EBF2: variants seen among roughly 807,000 people sequenced by gnomAD.
EBF2 encodes transcription factor COE2.
A neutral mutation model predicts 72.8 loss-of-function variants in EBF2; 21 were observed. The observed-to-expected ratio is 0.29, with a 90% CI of 0.20 to 0.42. The LOEUF is 0.42. Among genes scored for constraint, EBF2 ranks in the 10% least tolerant of loss-of-function variants. EBF2 has a pLI of 1.00. For synonymous variants in EBF2, 299 were observed against 274.2 expected (o/e 1.09, Z -0.89); for missense variants, 637 against 731.2 (o/e 0.87, Z 1.49).
At chr8:26,007,223 G>T (rs1262215404) in intron 6 of EBF2, among the ~76,000 whole-genome samples, 1 of 152,156 alleles carries the variant, frequency 6.6e-6, no homozygotes, top group African/African-American at 2.4e-5. Flanking sequence ...AACAGGGAGA[G>T]AGCCTGGCCT....
chr8:26,005,559 TATAG>T (rs1804863182), intron 6 of EBF2, among the ~76,000 whole-genome samples: 2 of 55,570 alleles, frequency 3.6e-5, no homozygotes, highest in African/African-American at 9.0e-5. Flanking sequence ...TATATATATA[TATAG>T]AGAGAGAGAG....
chr8:25,851,834 A>G (rs1801984108), intron 14 of EBF2, among the ~76,000 whole-genome samples: 3 of 152,216 alleles, frequency 2.0e-5, no homozygotes. Flanking sequence ...ATGACTGACC[A>G]ACCAAGTACA....
At chr8:25,910,856 A>T in intron 6 of EBF2, among the ~76,000 whole-genome samples, 1 of 152,150 alleles carries the variant, frequency 6.6e-6, no homozygotes, top group East Asian at 1.9e-4. Context: ...AGAGACAGAA[A>T]GTTCTCTTGC....
At chr8:26,038,732 C>T (rs563717892) in intron 5 of EBF2, among the ~76,000 whole-genome samples, 35 of 152,340 alleles carry the variant, frequency 2.3e-4, no homozygotes, top group Middle Eastern at 3.4e-3. Context: ...ATGCCTTCCC[C>T]CCAGCTACTC....
intron 6 of EBF2, among the ~76,000 whole-genome samples, chr8:25,999,909 A>C (rs1804696007): frequency 6.6e-6 from 1 of 152,100 alleles, no homozygotes; most frequent in African/African-American, 2.4e-5. Context: ...CAAGACATCA[A>C]AAGTCTCTGA....
intron 6 of EBF2, among the ~76,000 whole-genome samples, chr8:25,979,075 T>A (rs910682307): frequency 2.0e-5 from 3 of 152,086 alleles, no homozygotes; most frequent in Admixed American, 6.5e-5. Context: ...ACATAGAAAA[T>A]GATGGTGAGA....
At chr8:26,028,122 T>C (rs1431999601) in intron 6 of EBF2, among the ~76,000 whole-genome samples, 1 of 152,242 alleles carries the variant, frequency 6.6e-6, no homozygotes, top group Non-Finnish European at 1.5e-5. Context: ...GTAAATTTTA[T>C]ATGTATTTTA....
At chr8:26,023,691 G>A (rs754565274) in intron 6 of EBF2, among the ~76,000 whole-genome samples, 21 of 152,128 alleles carry the variant, frequency 1.4e-4, no homozygotes, top group Non-Finnish European at 8.8e-5. Context: ...GCAGTTCCCC[G>A]CAATGAATCT....
At chr8:25,900,409 A>G (rs1033992062) in intron 7 of EBF2, among the ~76,000 whole-genome samples, 3 of 152,172 alleles carry the variant, frequency 2.0e-5, no homozygotes, top group African/African-American at 4.8e-5. Flanking sequence ...TAGTGAACCA[A>G]TATTGCACCA....
intron 6 of EBF2, among the ~76,000 whole-genome samples, chr8:25,922,274 A>G: frequency 6.6e-6 from 1 of 152,262 alleles, no homozygotes; most frequent in East Asian, 1.9e-4. Context: ...AAACAAAAAA[A>G]ACACCTGGTT....
intron 10 of EBF2, 97 bp from the exon 11 acceptor site, chr8:25,862,894 A>T (rs1289694398): frequency 1.3e-6 from 1 of 740,870 alleles, no homozygotes; most frequent in African/African-American, 1.8e-5. Flanking sequence ...TTCTGGATGC[A>T]TAATGGATGT....
chr8:25,960,934 G>T (rs1032273296), intron 6 of EBF2, among the ~76,000 whole-genome samples: 3 of 152,092 alleles, frequency 2.0e-5, no homozygotes, highest in African/African-American at 7.2e-5. Context: ...ATGCACACAC[G>T]TAAATATAAA....
chr8:25,949,163 T>C (rs1277962918), intron 6 of EBF2, among the ~76,000 whole-genome samples: 1 of 152,194 alleles, frequency 6.6e-6, no homozygotes, highest in East Asian at 1.9e-4. Context: ...ATCATTATTG[T>C]TTCTATTTTA....
intron 6 of EBF2, among the ~76,000 whole-genome samples, chr8:25,956,879 T>C (rs1222251180): frequency 6.6e-6 from 1 of 152,186 alleles, no homozygotes; most frequent in Non-Finnish European, 1.5e-5. Flanking sequence ...GACTATTATA[T>C]CAACAGCATT....
intron 6 of EBF2, among the ~76,000 whole-genome samples, chr8:25,930,696 A>G (rs990691856): frequency 1.3e-5 from 2 of 152,224 alleles, no homozygotes; most frequent in African/African-American, 4.8e-5. Flanking sequence ...CTGTTGCTCA[A>G]TGACTAGCTT....
intron 6 of EBF2, among the ~76,000 whole-genome samples, chr8:26,001,715 A>C (rs1354164946): frequency 1.3e-5 from 2 of 151,918 alleles, no homozygotes; most frequent in East Asian, 3.9e-4. Context: ...TGCCCAGCTA[A>C]TTTTGGTATT....
At chr8:25,891,824 T>C (rs1414588661) in intron 7 of EBF2, among the ~76,000 whole-genome samples, 1 of 152,110 alleles carries the variant, frequency 6.6e-6, no homozygotes, top group African/African-American at 2.4e-5. Flanking sequence ...GTGATCCACC[T>C]GCCTCGGCCG....
rs112536982 is a variant in EBF2, at chr8:26,025,163, G to A, written c.551+7922C>T. On this transcript the variant is annotated intron_variant, in intron 6 of 15. Coordinates refer to ENST00000520164, the MANE Select transcript of EBF2 (RefSeq NM_022659.4). ...ATAGTGTATACAAAGGGAGAAAAGA[G>A]GAAAAATTCAAGATCTGTGTTCCGG... 4.8e-3 allele frequency among the ~76,000 whole-genome samples: 734 copies of A among 152,180 alleles called. 5 individuals are homozygous for A. The highest frequency in any genetic ancestry group is 0.017 in the African/African-American group (697 of 41,522).
At chr8:25,874,378 G>A (rs1408526160) in intron 10 of EBF2, among the ~76,000 whole-genome samples, 31 of 151,770 alleles carry the variant, frequency 2.0e-4, no homozygotes, top group Admixed American at 2.0e-3. Context: ...CCTTAATCCT[G>A]TCGATGAATA....
Sources: gnomAD v4.1 joint callset for allele counts (sites outside exome capture counted in the v4.1 genomes callset) on GRCh38, gnomAD v4.1.1 for gene constraint, MANE v1.5 for transcripts, NCBI Gene and HGNC (gene_info 2026-07-23, HGNC 2026-07-21) for gene names.